The following ANKRD44 variants were observed in gnomAD, a reference collection of about 807,000 sequenced individuals.
ANKRD44 encodes ankyrin repeat domain 44.
Under a neutral mutation model 116.0 loss-of-function variants are expected in ANKRD44, and 35 were observed. That is an observed-to-expected ratio of 0.30 (90% confidence interval 0.23 to 0.40). ANKRD44 has a LOEUF of 0.40. ANKRD44 is among the 10% of genes least tolerant of loss of function. ANKRD44 has a pLI of 1.00. For missense variants in ANKRD44, 1,014 were observed against 1,242.6 expected, an observed-to-expected ratio of 0.82 and a Z score of 2.77; for synonymous variants, 435 against 461.8, an observed-to-expected ratio of 0.94 and a Z score of 0.74.
chr2:197,019,833 G>A (rs993338816), intron 17 of ANKRD44, among the ~76,000 whole-genome samples: 8 of 147,882 alleles, frequency 5.4e-5, no homozygotes, highest in African/African-American at 1.0e-4. Context: ...GTCTCATTCC[G>A]TCGCCCAGGC....
intron 8 of ANKRD44, among the ~76,000 whole-genome samples, chr2:197,111,819 A>G (rs2078575076): frequency 6.6e-6 from 1 of 152,148 alleles, no homozygotes; most frequent in Admixed American, 6.5e-5. Context: ...TATTGTTCCA[A>G]AAGAGAATCT....
intron 1 of ANKRD44, among the ~76,000 whole-genome samples, chr2:197,259,928 A>G (rs1355729115): frequency 1.3e-5 from 2 of 152,176 alleles, no homozygotes; most frequent in African/African-American, 4.8e-5. Flanking sequence ...GAGGGGGGAA[A>G]AAAAAAGAAA....
chr2:197,186,202 G>A (rs2080653918), intron 2 of ANKRD44, among the ~76,000 whole-genome samples: 1 of 152,104 alleles, frequency 6.6e-6, no homozygotes, highest in South Asian at 2.1e-4. Flanking sequence ...CAGGGCATGG[G>A]TTCCAGGGGT....
intron 1 of ANKRD44, among the ~76,000 whole-genome samples, chr2:197,221,602 T>G (rs1462307611): frequency 6.6e-6 from 1 of 152,212 alleles, no homozygotes; most frequent in East Asian, 1.9e-4. Flanking sequence ...AAAGCATAAC[T>G]TAGATTGCCT....
At chr2:196,991,772 T>C (rs2075922453) in intron 27 of ANKRD44, among the ~76,000 whole-genome samples, 1 of 151,804 alleles carries the variant, frequency 6.6e-6, no homozygotes, top group Non-Finnish European at 1.5e-5. Context: ...GGTTTTTTTT[T>C]TTTGAGTCAA....
chr2:197,138,768 TG>T (rs1263767961), intron 3 of ANKRD44, among the ~76,000 whole-genome samples: 2 of 152,230 alleles, frequency 1.3e-5, no homozygotes, highest in Non-Finnish European at 2.9e-5. Context: ...GCTGTTTCTT[TG>T]GCACCCATGT....
intron 1 of ANKRD44, among the ~76,000 whole-genome samples, chr2:197,259,507 T>C (rs1325749310): frequency 6.6e-6 from 1 of 152,254 alleles, no homozygotes; most frequent in Non-Finnish European, 1.5e-5. Flanking sequence ...CCCAGACTTC[T>C]GCAGATAATC....
At chr2:197,190,070 G>A (rs906047346) in intron 1 of ANKRD44, among the ~76,000 whole-genome samples, 1 of 152,182 alleles carries the variant, frequency 6.6e-6, no homozygotes, top group Admixed American at 6.5e-5. Flanking sequence ...CTACTTTATA[G>A]AGAATTGTCA....
intron 25 of ANKRD44, among the ~76,000 whole-genome samples, chr2:196,995,971 T>C (rs961835683): frequency 6.6e-6 from 1 of 152,200 alleles, no homozygotes; most frequent in Admixed American, 6.5e-5. Flanking sequence ...GGAAAACTCA[T>C]TGTTTTCTTC....
At chr2:197,236,522 G>A (rs1574332290) in intron 1 of ANKRD44, among the ~76,000 whole-genome samples, 1 of 152,114 alleles carries the variant, frequency 6.6e-6, no homozygotes, top group African/African-American at 2.4e-5. Flanking sequence ...TTAACTTACT[G>A]CTATTATGTT....
At chr2:197,067,644 A>G (rs1418504892) in intron 16 of ANKRD44, among the ~76,000 whole-genome samples, 8 of 126,962 alleles carry the variant, frequency 6.3e-5, no homozygotes. Flanking sequence ...AGAAATGCAA[A>G]TCAAAACCAC....
At chr2:197,250,189 T>C (rs1007746657) in intron 1 of ANKRD44, among the ~76,000 whole-genome samples, 3 of 152,184 alleles carry the variant, frequency 2.0e-5, no homozygotes, top group Non-Finnish European at 4.4e-5. Context: ...CTTCTCGCTC[T>C]GCCAGCCTTG....
At chr2:197,105,058 G>A (rs757251572) in intron 9 of ANKRD44, among the ~76,000 whole-genome samples, 9 of 152,086 alleles carry the variant, frequency 5.9e-5, no homozygotes, top group Non-Finnish European at 1.2e-4. Flanking sequence ...TAGAAATACT[G>A]ATCTTTCTTC....
chr2:197,011,475 ATT>A (rs1216186319), intron 18 of ANKRD44, among the ~76,000 whole-genome samples: 40 of 141,076 alleles, frequency 2.8e-4, no homozygotes, highest in Non-Finnish European at 3.1e-4. Flanking sequence ...GCCCTCAGGT[ATT>A]TTTTTTTTTT....
chr2:197,175,099 T>A (rs956357351), intron 2 of ANKRD44, among the ~76,000 whole-genome samples: 12 of 152,240 alleles, frequency 7.9e-5, no homozygotes, highest in African/African-American at 2.9e-4. Flanking sequence ...AAGATTTTTT[T>A]AAACGCACTG....
intron 1 of ANKRD44, among the ~76,000 whole-genome samples, chr2:197,226,026 T>C (rs906532236): frequency 3.9e-5 from 6 of 152,346 alleles, no homozygotes; most frequent in Middle Eastern, 6.8e-3. Flanking sequence ...TGGCTTTCCC[T>C]GGAGAATTAT....
chr2:197,289,155 A>T (rs1051819766), intron 1 of ANKRD44, among the ~76,000 whole-genome samples: 3 of 152,246 alleles, frequency 2.0e-5, no homozygotes, highest in African/African-American at 7.2e-5. Flanking sequence ...TGTCTCACTC[A>T]TATAGACTCC....
intron 16 of ANKRD44, among the ~76,000 whole-genome samples, chr2:197,055,190 A>T (rs2077180868): frequency 6.6e-6 from 1 of 152,236 alleles, no homozygotes; most frequent in Non-Finnish European, 1.5e-5. Flanking sequence ...CTTGATGACT[A>T]TTAAAGCTGA....
intron 1 of ANKRD44, among the ~76,000 whole-genome samples, chr2:197,277,666 C>G (rs1237882747): frequency 6.6e-6 from 1 of 152,108 alleles, no homozygotes; most frequent in Non-Finnish European, 1.5e-5. Flanking sequence ...AGCTTAACCA[C>G]GCAGCTAATA....
Sources: gnomAD v4.1 joint callset for allele counts (sites outside exome capture counted in the v4.1 genomes callset) on GRCh38, gnomAD v4.1.1 for gene constraint, MANE v1.5 for transcripts, NCBI Gene and HGNC (gene_info 2026-07-23, HGNC 2026-07-21) for gene names.